Variants in RASEF observed in about 807,000 individuals in gnomAD.
RASEF encodes ras and EF-hand domain-containing protein.
RASEF carries 68 observed loss-of-function variants against 90.1 expected under a neutral mutation model. That is an observed-to-expected ratio of 0.75 (90% CI 0.62 to 0.92). The LOEUF (loss-of-function observed/expected upper bound fraction) is 0.92, where lower values mean the gene tolerates loss of function less well. Among genes scored for constraint, RASEF ranks in the 40% least tolerant of loss-of-function variants. RASEF has a pLI of 0.00. For missense variants in RASEF, 949 were observed against 937.2 expected (o/e 1.01, Z -0.16); for synonymous variants, 331 against 345.2 (o/e 0.96, Z 0.46).
intron 1 of RASEF, among the ~76,000 whole-genome samples, chr9:83,044,312 T>A (rs1296137351): frequency 6.6e-6 from 1 of 152,170 alleles, no homozygotes; most frequent in Non-Finnish European, 1.5e-5. Context: ...TTTGTGTGGC[T>A]TGCTGGACGG....
the RASEF span, among the ~76,000 whole-genome samples, chr9:83,093,401 A>G: frequency 6.6e-6 from 1 of 152,120 alleles, no homozygotes; most frequent in Non-Finnish European, 1.5e-5. Context: ...AGGGGGTGGG[A>G]GGCTCAGGCA....
At chr9:83,189,259 C>A in the RASEF span, among the ~76,000 whole-genome samples, 1 of 152,204 alleles carries the variant, frequency 6.6e-6, no homozygotes, top group Non-Finnish European at 1.5e-5. Flanking sequence ...TTGCTCGGCA[C>A]TTCTTGCTGC....
upstream of RASEF, among the ~76,000 whole-genome samples, chr9:83,066,283 A>G (rs1830281874): frequency 1.3e-5 from 2 of 152,194 alleles, no homozygotes; most frequent in South Asian, 4.1e-4. Context: ...TCCCAGCTTA[A>G]GTAAAAGAAT....
At chr9:83,086,741 T>C in the RASEF span, among the ~76,000 whole-genome samples, 5 of 152,148 alleles carry the variant, frequency 3.3e-5, no homozygotes, top group Non-Finnish European at 5.9e-5. Flanking sequence ...GGCCTCTTTA[T>C]AGGCTGCCTG....
At chr9:82,982,828 AGAG>A (rs751633723) in intron 16 of RASEF, 46 bp from the exon 17 acceptor site, 2 of 1,089,888 alleles carry the variant, frequency 1.8e-6, no homozygotes, top group African/African-American at 3.1e-5. Context: ...AGAGAGAGAG[AGAG>A]AGGATTACTG....
chr9:82,984,738 T>C (rs570828615), intron 16 of RASEF, among the ~76,000 whole-genome samples: 1 of 152,300 alleles, frequency 6.6e-6, no homozygotes, highest in Non-Finnish European at 1.5e-5. Context: ...GGGAGTTCAT[T>C]ACAAGGACAA....
At chr9:83,195,683 C>T in the RASEF span, among the ~76,000 whole-genome samples, 4 of 151,888 alleles carry the variant, frequency 2.6e-5, no homozygotes, top group African/African-American at 7.2e-5. Flanking sequence ...TATCTATTTT[C>T]GTGTATATAT....
At chr9:83,075,787 A>C in the RASEF span, among the ~76,000 whole-genome samples, 2 of 152,128 alleles carry the variant, frequency 1.3e-5, no homozygotes, top group Non-Finnish European at 2.9e-5. Flanking sequence ...TAAAATATTC[A>C]TCTATATTTA....
At chr9:83,168,875 T>C in the RASEF span, among the ~76,000 whole-genome samples, 3 of 152,110 alleles carry the variant, frequency 2.0e-5, no homozygotes, top group African/African-American at 7.2e-5. Context: ...TTTTGAAATA[T>C]GCAATAAATT....
intron 3 of RASEF, among the ~76,000 whole-genome samples, chr9:83,019,248 A>C (rs1486784523): frequency 6.6e-6 from 1 of 152,186 alleles, no homozygotes; most frequent in African/African-American, 2.4e-5. Context: ...ATATAAAAGA[A>C]CTCTCAAAAC....
the RASEF span, among the ~76,000 whole-genome samples, chr9:83,122,124 T>C: frequency 6.6e-6 from 1 of 152,180 alleles, no homozygotes; most frequent in African/African-American, 2.4e-5. Context: ...TGAGGTGCCT[T>C]GTGGCTCCTT....
the RASEF span, among the ~76,000 whole-genome samples, chr9:83,142,894 T>C: frequency 9.6e-6 from 1 of 104,302 alleles, no homozygotes; most frequent in Non-Finnish European, 1.9e-5. Flanking sequence ...ACACAAAAAT[T>C]ATAAAACAGA....
chr9:83,076,974 T>G, the RASEF span, among the ~76,000 whole-genome samples: 96 of 152,356 alleles, frequency 6.3e-4, no homozygotes, highest in African/African-American at 2.0e-3. Flanking sequence ...TATTTTTCAC[T>G]TTGGAATTTT....
chr9:83,077,036 G>A, the RASEF span, among the ~76,000 whole-genome samples: 1 of 152,104 alleles, frequency 6.6e-6, no homozygotes, highest in African/African-American at 2.4e-5. Flanking sequence ...CTATTGGAAA[G>A]GTCATGAAAA....
At chr9:83,175,357 G>C in the RASEF span, among the ~76,000 whole-genome samples, 1 of 152,108 alleles carries the variant, frequency 6.6e-6, no homozygotes, top group Non-Finnish European at 1.5e-5. Context: ...CATCTATAGA[G>C]ATGATCATTT....
At chr9:83,044,046 A>G (rs1829887576) in intron 1 of RASEF, among the ~76,000 whole-genome samples, 1 of 152,130 alleles carries the variant, frequency 6.6e-6, no homozygotes, top group Admixed American at 6.5e-5. Context: ...TGTGCTCTCT[A>G]TTACATCCCT....
At chr9:83,176,958 G>C in the RASEF span, among the ~76,000 whole-genome samples, 1 of 151,794 alleles carries the variant, frequency 6.6e-6, no homozygotes, top group African/African-American at 2.4e-5. Flanking sequence ...ATTATTTCTG[G>C]TTCTCTTCAT....
chr9:83,168,589 A>G, the RASEF span, among the ~76,000 whole-genome samples: 1 of 152,202 alleles, frequency 6.6e-6, no homozygotes, highest in Non-Finnish European at 1.5e-5. Context: ...TAACCAGAAT[A>G]TATAAGGAAC....
At chr9:83,180,489 T>A in the RASEF span, among the ~76,000 whole-genome samples, 1 of 151,974 alleles carries the variant, frequency 6.6e-6, no homozygotes, top group Non-Finnish European at 1.5e-5. Context: ...ATTACTTTTT[T>A]TTTTTTCAAA....
Sources: gnomAD v4.1 joint callset for allele counts (sites outside exome capture counted in the v4.1 genomes callset) on GRCh38, gnomAD v4.1.1 for gene constraint, MANE v1.5 for transcripts, NCBI Gene and HGNC (gene_info 2026-07-23, HGNC 2026-07-21) for gene names.